The following MAPK7 variants were observed in gnomAD, a reference collection of about 807,000 sequenced individuals.
The protein encoded by MAPK7 is BMK-1.
MAPK7 carries 30 observed loss-of-function variants against 56.9 expected under a neutral mutation model. The observed-to-expected ratio is 0.53, with a 90% CI of 0.39 to 0.72. MAPK7 has a LOEUF of 0.72. MAPK7 is among the 30% of genes least tolerant of loss of function. The pLI is 0.00. For synonymous variants in MAPK7, 516 were observed against 449.3 expected, an observed-to-expected ratio of 1.15 and a Z score of -1.88; for missense variants, 952 against 1,110.8, an observed-to-expected ratio of 0.86 and a Z score of 2.03.
upstream of MAPK7, chr17:19,378,189 T>A: frequency 4.1e-6 from 4 of 984,354 alleles, no homozygotes; most frequent in Non-Finnish European, 4.8e-6. The surrounding 1 kb of genome is among the most constrained non-coding windows in gnomAD (Gnocchi z 5.4). Context: ...GGTTGAGAGC[T>A]TCATGGGGAC....
At chr17:19,379,996 G>A (rs753617874) in intron 3 of MAPK7, 49 bp downstream of exon 3, 1 of 1,572,184 alleles carries the variant, frequency 6.4e-7, no homozygotes, top group Non-Finnish European at 8.6e-7. Context: ...TTTTCTGAAG[G>A]CTGCAACCAT....
rs2233077 is a variant in MAPK7 at position 19,381,544 on chromosome 17, A to G, written c.1335A>G (p.Ala445=). 728 of 1,613,586 alleles carry G rather than the reference A, an allele frequency of 4.5e-4. 8 individuals are homozygous for G. In the East Asian group the frequency reaches 0.015, roughly 32 times the overall value. ...PPAPPPCPGP[A]PDTIDLTLQP... Reference sequence around the variant, plus strand: ...CCCCGCCACCATGCCCCGGCCCTGCACCTGACACCATTGATCTGACCCTGC... The same window carrying G: ...CCCCGCCACCATGCCCCGGCCCTGCGCCTGACACCATTGATCTGACCCTGC... The change falls in exon 4 of 7, where the codon GCA becomes GCG. Residue 445 remains alanine, a synonymous_variant. Coordinates refer to ENST00000395604, the MANE Select transcript of MAPK7 (RefSeq NM_002749.4). This position sits in a 1 kb window ranked among gnomAD's most constrained non-coding sequence, Gnocchi z 4.6.
In MAPK7 at chr17:19,379,977, A is replaced by T. The variant is rs772829494; in HGVS notation, c.398+30A>T. 9.4e-6 allele frequency: 15 copies of T among 1,598,670 alleles called. No individual in the cohort carries two copies. The Admixed American group carries it at 1.4e-4, about 15-fold the overall frequency. Reference sequence around the variant, plus strand: ...GAAGCGGGATGGGAGAGGGAGCCAGACTTGGGACTTTTCTGAAGGCTGCAA... The same window carrying T: ...GAAGCGGGATGGGAGAGGGAGCCAGTCTTGGGACTTTTCTGAAGGCTGCAA... On this transcript the variant is annotated intron_variant, in intron 3 of 6. Coordinates refer to ENST00000395604, the MANE Select transcript of MAPK7 (RefSeq NM_002749.4).
rs767185851 is a variant in MAPK7, at chr17:19,381,329, C to T, written c.1120C>T (p.Arg374Trp). ...TGCCTTTGACCGCGAAGCCCTCACT[C>T]GGGAGCGCATTAAGGAGGCCATTGT... ...DFAFDREALT[R>W]ERIKEAIVAE... Residue 374 changes from arginine (R) to tryptophan (W), a missense_variant, in exon 4 of 7, where the codon CGG becomes TGG. This residue lies in a region of MAPK7 where 429 missense variants were observed against 533.0 expected (regional missense o/e 0.80). Transcript: ENST00000395604. This position sits in a 1 kb window ranked among gnomAD's most constrained non-coding sequence, Gnocchi z 4.6. 8.1e-6 allele frequency: 13 copies of T among 1,614,118 alleles called. No individual in the cohort carries two copies. Among genetic ancestry groups the T allele is most frequent in the South Asian group, 2.2e-5 (2 of 91,088 alleles).
chr17:19,378,625 G>T lies in MAPK7; in HGVS notation c.-11G>T, dbSNP rs1912313702. 7 of 1,333,344 alleles carry T rather than the reference G, an allele frequency of 5.2e-6. No individual in the cohort carries two copies. The South Asian group carries it at 1.3e-4, about 24-fold the overall frequency. 82.6% of individuals were successfully genotyped at this position (1,333,344 alleles called of 1,614,324 possible). Reference sequence around the variant, plus strand: ...GGACCTCTGAAAGCCTTGAGGAGGCGCGGGGGTGAGTGCGGCCCTGAGGAA... The same window carrying T: ...GGACCTCTGAAAGCCTTGAGGAGGCTCGGGGGTGAGTGCGGCCCTGAGGAA... On this transcript the variant is annotated 5_prime_UTR_variant, in exon 1 of 7. Coordinates refer to ENST00000395604, the MANE Select transcript of MAPK7 (RefSeq NM_002749.4). This position sits in a 1 kb window ranked among gnomAD's most constrained non-coding sequence, Gnocchi z 5.4.
At chr17:19,378,122 C>A (rs756907894), upstream of MAPK7, 523 of 976,730 alleles carry the variant, frequency 5.4e-4, 1 homozygote, top group Middle Eastern at 2.1e-3. The surrounding 1 kb of genome is among the most constrained non-coding windows in gnomAD (Gnocchi z 5.4). Context: ...CAGACCTGGG[C>A]ATCTCAGGCC....
chr17:19,379,631 T>C (rs995241767), intron 2 of MAPK7, 151 bp from the exon 3 acceptor site: 4 of 670,180 alleles, frequency 6.0e-6, no homozygotes, highest in Non-Finnish European at 5.1e-6. Flanking sequence ...GTAGGTAACA[T>C]GCTTAGCACA....
Position 19,381,148 on chromosome 17 carries a change from C to T in MAPK7, c.939C>T (p.Tyr313=). ...PRQPVPWETV[Y]PGADRQALSL... ...AGCCTGTGCCCTGGGAGACAGTGTA[C>T]CCAGGTGCCGACCGCCAGGCCCTAT... Residue 313 remains tyrosine, a synonymous_variant, in exon 4 of 7, where the codon TAC becomes TAT. Coordinates refer to ENST00000395604, the MANE Select transcript of MAPK7 (RefSeq NM_002749.4). The surrounding 1 kb of genome is among the most constrained non-coding windows in gnomAD (Gnocchi z 4.6). 2 of 1,614,048 alleles carry T rather than the reference C, an allele frequency of 1.2e-6. No homozygotes were observed. The highest frequency in any genetic ancestry group is 1.7e-6 in the Non-Finnish European group (2 of 1,180,006).
At position 19,382,361 on chromosome 17, in the gene MAPK7, CT is replaced by C; in HGVS notation, c.2060del (p.Phe687SerfsTer27). 1 of 1,613,576 alleles carries C rather than the reference CT, an allele frequency of 6.2e-7. No homozygotes were observed. On this transcript the variant is annotated frameshift_variant, in exon 5 of 7. Coordinates refer to ENST00000395604, the MANE Select transcript of MAPK7 (RefSeq NM_002749.4). LOFTEE classifies it high-confidence loss of function. ...GSSTPGVLPY[F>X]PPGLPPPDAG... ...CCAGCACCCCAGGAGTTTTGCCTTACTTCCCACCTGGCCTGCCGCCCCCAGA... is the reference window on the plus strand; with the variant it reads ...CCAGCACCCCAGGAGTTTTGCCTTACTCCCACCTGGCCTGCCGCCCCCAGA...
chr17:19,381,653 G>T lies in MAPK7; in HGVS notation c.1444G>T (p.Ala482Ser). 1 of 1,607,002 alleles carries T rather than the reference G, an allele frequency of 6.2e-7. No homozygotes were observed. The highest frequency in any genetic ancestry group is 8.5e-7 in the Non-Finnish European group (1 of 1,176,394). ...SDNTKAALKA[A>S]LLKSLRSRLR... ...CAATACTAAGGCTGCCCTTAAAGCTGCCCTGCTCAAGTCTTTGAGGAGCCG... is the reference window on the plus strand; with the variant it reads ...CAATACTAAGGCTGCCCTTAAAGCTTCCCTGCTCAAGTCTTTGAGGAGCCG... Residue 482 changes from alanine (A) to serine (S), a missense_variant, in exon 4 of 7, where the codon GCC (alanine) becomes TCC (serine). Ala to Ser is a moderately conservative substitution (Grantham distance 99, BLOSUM62 1). Around this residue, in one of 5 missense-constraint regions of MAPK7, gnomAD observed 429 missense variants for 533.0 expected, o/e 0.80. Coordinates refer to ENST00000395604, the MANE Select transcript of MAPK7 (RefSeq NM_002749.4). This position sits in a 1 kb window ranked among gnomAD's most constrained non-coding sequence, Gnocchi z 4.6.
At chr17:19,382,583 G>T in intron 5 of MAPK7, 117 bp downstream of exon 5, 2 of 1,494,552 alleles carry the variant, frequency 1.3e-6, no homozygotes. Context: ...ATCTCTGAAC[G>T]TGTCCTCTTG....
In MAPK7 at chr17:19,379,151, C is replaced by A. The variant is rs973929179; in HGVS notation, c.232+19C>A. ...CTCACCGGTGAGCTTCCTGAGCCGTCGCCTCCCAGATGTGGCAGCGTCGCA... is the reference window on the plus strand; with the variant it reads ...CTCACCGGTGAGCTTCCTGAGCCGTAGCCTCCCAGATGTGGCAGCGTCGCA... On this transcript the variant is annotated intron_variant, in intron 2 of 6. Coordinates refer to ENST00000395604, the MANE Select transcript of MAPK7 (RefSeq NM_002749.4). 8 of 1,605,156 alleles carry A rather than the reference C, an allele frequency of 5.0e-6. No individual in the cohort carries two copies. The highest frequency in any genetic ancestry group is 6.8e-6 in the Non-Finnish European group (8 of 1,175,454).
At chr17:19,380,459 CTCT>C in intron 3 of MAPK7, 146 bp from the exon 4 acceptor site, 1 of 1,426,964 alleles carries the variant, frequency 7.0e-7, no homozygotes, top group Middle Eastern at 1.8e-4. Flanking sequence ...AAACGTGATG[CTCT>C]TCTTCCATAC....
intron 3 of MAPK7, chr17:19,380,398 TG>T: frequency 7.4e-7 from 1 of 1,349,878 alleles, no homozygotes; most frequent in Non-Finnish European, 9.6e-7. Context: ...AAACTAGGTC[TG>T]GAGACAAAAG....
Position 19,383,363 on chromosome 17 carries a change from C to T in MAPK7, c.*132C>T. On this transcript the variant is annotated 3_prime_UTR_variant, in exon 7 of 7. Coordinates refer to ENST00000395604, the MANE Select transcript of MAPK7 (RefSeq NM_002749.4). ...TTATTCTGCAGGTTCATCTCAGACCCACCTTTCAGCCTTAAGCAGCCACCT... is the reference window on the plus strand; with the variant it reads ...TTATTCTGCAGGTTCATCTCAGACCTACCTTTCAGCCTTAAGCAGCCACCT... 1 of 1,023,274 alleles carries T rather than the reference C, an allele frequency of 9.8e-7. No homozygotes were observed. Among genetic ancestry groups the T allele is most frequent in the Non-Finnish European group, 1.4e-6 (1 of 721,722 alleles). The allele number at this position is 1,023,274 out of a possible 1,614,324, so 63.4% of individuals were successfully genotyped here.
upstream of MAPK7, chr17:19,378,180 G>A: frequency 1.0e-6 from 1 of 983,168 alleles, no homozygotes; most frequent in African/African-American, 1.7e-5. This position sits in a 1 kb window ranked among gnomAD's most constrained non-coding sequence, Gnocchi z 5.4. Context: ...GCCGGATGAG[G>A]TTGAGAGCTT....
rs746584326 is a variant in MAPK7, at chr17:19,381,529, A to G, written c.1320A>G (p.Pro440=). 3 of 1,613,540 alleles carry G rather than the reference A, an allele frequency of 1.9e-6. No homozygotes were observed. Among genetic ancestry groups the G allele is most frequent in the African/African-American group, 2.7e-5 (2 of 74,874 alleles). ...AMESPPPAPP[P]CPGPAPDTID... ...AGTCTCCACCACCAGCCCCGCCACC[A>G]TGCCCCGGCCCTGCACCTGACACCA... Residue 440 remains proline, a synonymous_variant, in exon 4 of 7, where the codon CCA becomes CCG. Transcript: ENST00000395604. The surrounding 1 kb of genome is among the most constrained non-coding windows in gnomAD (Gnocchi z 4.6).
Position 19,381,713 on chromosome 17 carries a change from A to C in MAPK7, c.1477+27A>C. 1.9e-6 allele frequency: 3 copies of C among 1,552,224 alleles called. No individual in the cohort carries two copies. Among genetic ancestry groups the C allele is most frequent in the Non-Finnish European group, 2.6e-6 (3 of 1,152,268 alleles). On this transcript the variant is annotated intron_variant, in intron 4 of 6. Transcript: ENST00000395604. The surrounding 1 kb of genome is among the most constrained non-coding windows in gnomAD (Gnocchi z 4.6). Reference sequence around the variant, plus strand: ...TGCCTTGTGGGCAGGTCGGGTGGGCAGAGGGGAGACTTGGACTTGGACAAG... The same window carrying C: ...TGCCTTGTGGGCAGGTCGGGTGGGCCGAGGGGAGACTTGGACTTGGACAAG...
At position 19,382,910 on chromosome 17, in the gene MAPK7, C is replaced by CT; in HGVS notation, c.2264dup (p.Asp756ArgfsTer6). On this transcript the variant is annotated frameshift_variant, in exon 6 of 7. Coordinates refer to ENST00000395604, the MANE Select transcript of MAPK7 (RefSeq NM_002749.4). LOFTEE classifies it high-confidence loss of function. ...GACCTGGAGGAATTCTTAAACCAGT[C>CT]TTTCGACATGGGCGTGGCTGATGGG... The CT allele has an allele frequency of 6.2e-7, 1 of 1,614,250 alleles. No individual in the cohort carries two copies. The highest frequency in any genetic ancestry group is 8.5e-7 in the Non-Finnish European group (1 of 1,180,040).
Sources: allele counts gnomAD v4.1 joint callset, GRCh38; gene constraint gnomAD v4.1.1; regional missense constraint gnomAD v4.1.1; non-coding constraint Gnocchi (gnomAD v3.1); transcripts MANE v1.5; gene names NCBI Gene and HGNC (gene_info 2026-07-23, HGNC 2026-07-21).